IRAG1: variants seen among roughly 807,000 people sequenced by gnomAD.
IRAG1 encodes inositol 1,4,5-triphosphate receptor associated 1.
A neutral mutation model predicts 106.2 loss-of-function variants in IRAG1; 62 were observed. The observed-to-expected ratio is 0.58, with a 90% confidence interval of 0.48 to 0.72. IRAG1 has a LOEUF of 0.72. Among genes scored for constraint, IRAG1 ranks in the 30% least tolerant of loss-of-function variants. IRAG1 has a pLI of 0.00. For synonymous variants in IRAG1, 462 were observed against 443.9 expected, an observed-to-expected ratio of 1.04 and a Z score of -0.51; for missense variants, 1,064 against 1,140.7, an observed-to-expected ratio of 0.93 and a Z score of 0.97.
chr11:10,629,784 G>GA, intron 4 of IRAG1, 73 bp from the exon 5 acceptor site: 1 of 1,472,060 alleles, frequency 6.8e-7, no homozygotes, highest in Non-Finnish European at 9.2e-7. Context: ...GCCATACCAT[G>GA]CCTCATCCCA....
chr11:10,580,498 C>T lies in IRAG1; in HGVS notation c.2452G>A (p.Glu818Lys), dbSNP rs1851278810. ...TCCTCTTCCTCAGTTTCTTCTACCT[C>T]TTCAGGTTCCTCAGGACTCTCACTC... ...QKSESPEEPE[E>K]VEETEEEEKG... The change falls in exon 20 of 21, where the codon GAG becomes AAG. Residue 818 changes from glutamate to lysine, a missense_variant. Transcript: ENST00000423302. The T allele has an allele frequency of 2.5e-6, 4 of 1,613,956 alleles. No homozygotes were observed. The Admixed American group carries it at 5.0e-5, about 20-fold the overall frequency.
intron 2 of IRAG1, among the ~76,000 whole-genome samples, chr11:10,635,620 G>A (rs1293719394): frequency 1.3e-5 from 2 of 152,196 alleles, no homozygotes; most frequent in Non-Finnish European, 1.5e-5. Flanking sequence ...GAGGAGGCCT[G>A]CTCTCCTTTT....
At chr11:10,642,999 G>A (rs1009546967) in intron 2 of IRAG1, among the ~76,000 whole-genome samples, 12 of 151,872 alleles carry the variant, frequency 7.9e-5, no homozygotes, top group Non-Finnish European at 7.4e-5. Context: ...GTGAAACCCC[G>A]TCTCTACTAA....
At chr11:10,581,734 T>C in intron 19 of IRAG1, 133 bp downstream of exon 19, 1 of 1,097,944 alleles carries the variant, frequency 9.1e-7, no homozygotes, top group Non-Finnish European at 1.3e-6. Context: ...TCCTATGTAG[T>C]TCCTTCCTGT....
chr11:10,582,104 A>C, intron 18 of IRAG1, 118 bp from the exon 19 acceptor site: 4 of 1,246,468 alleles, frequency 3.2e-6, no homozygotes, highest in East Asian at 5.4e-5. Flanking sequence ...CTTTTTCAGT[A>C]ACTTTCAGAT....
At chr11:10,662,442 A>G (rs1212843097) in intron 1 of IRAG1, among the ~76,000 whole-genome samples, 1 of 152,144 alleles carries the variant, frequency 6.6e-6, no homozygotes, top group Admixed American at 6.5e-5. Context: ...AAACCTCACA[A>G]AAGGCCAGGG....
At chr11:10,617,030 CT>C (rs5789644) in intron 10 of IRAG1, 445,367 of 984,656 alleles carry the variant, frequency 0.45, 101,388 homozygotes, top group East Asian at 0.7. Context: ...TGGGGATAAA[CT>C]TTTTTTTACC....
chr11:10,594,740 C>T (rs554375241), intron 15 of IRAG1, among the ~76,000 whole-genome samples: 1 of 152,248 alleles, frequency 6.6e-6, no homozygotes, highest in East Asian at 1.9e-4. Context: ...ATATGTTTAG[C>T]TTCATACCTG....
rs943817672 is a variant in IRAG1, at chr11:10,665,292, A to G, written c.68-13110T>C. On this transcript the variant is annotated intron_variant, in intron 1 of 20. Coordinates refer to ENST00000423302, the MANE Select transcript of IRAG1 (RefSeq NM_130385.4). The surrounding 1 kb of genome is among the most constrained non-coding windows in gnomAD (Gnocchi z 4.2). ...CCCTGCTACCATTGGTGGGCCCAGCATCTGGCCAGAAACCCCAGCCCAAAC... is the reference window on the plus strand; with the variant it reads ...CCCTGCTACCATTGGTGGGCCCAGCGTCTGGCCAGAAACCCCAGCCCAAAC... Among the ~76,000 whole-genome samples, 1 of 152,142 alleles carries G rather than the reference A, an allele frequency of 6.6e-6. No homozygotes were observed. The highest frequency in any genetic ancestry group is 1.9e-4 in the East Asian group (1 of 5,200).
intron 2 of IRAG1, among the ~76,000 whole-genome samples, chr11:10,643,333 C>T (rs1396609079): frequency 6.6e-6 from 1 of 152,186 alleles, no homozygotes; most frequent in Non-Finnish European, 1.5e-5. Flanking sequence ...GGGCCAGTTC[C>T]CTGGCTCCCC....
At chr11:10,684,510 TGAC>T (rs1418614448) in intron 1 of IRAG1, among the ~76,000 whole-genome samples, 15 of 151,724 alleles carry the variant, frequency 9.9e-5, no homozygotes, top group African/African-American at 3.6e-4. Context: ...TAATGCTAAA[TGAC>T]GAGTTAATGG....
At chr11:10,686,640 G>C (rs1173503599) in intron 1 of IRAG1, among the ~76,000 whole-genome samples, 3 of 152,108 alleles carry the variant, frequency 2.0e-5, no homozygotes, top group Non-Finnish European at 4.4e-5. Context: ...CAGGAACAAA[G>C]GGTCAGGCAT....
intron 19 of IRAG1, among the ~76,000 whole-genome samples, 164 bp downstream of exon 19, chr11:10,581,703 C>T (rs1257254484): frequency 1.3e-5 from 2 of 152,196 alleles, no homozygotes; most frequent in African/African-American, 4.8e-5. Context: ...CCTGTCCTTC[C>T]TGTGGAACAG....
intron 1 of IRAG1, among the ~76,000 whole-genome samples, chr11:10,663,402 G>A (rs1859547254): frequency 6.6e-6 from 1 of 152,168 alleles, no homozygotes; most frequent in African/African-American, 2.4e-5. Context: ...AGGAATATAT[G>A]TAGGAACTGG....
intron 10 of IRAG1, among the ~76,000 whole-genome samples, chr11:10,612,086 G>A (rs1412539959): frequency 6.6e-6 from 1 of 152,168 alleles, no homozygotes; most frequent in Non-Finnish European, 1.5e-5. Flanking sequence ...TGAATGGCAG[G>A]AGACACATGG....
chr11:10,658,454 G>A (rs1859112341), intron 1 of IRAG1: 1 of 152,914 alleles, frequency 6.5e-6, no homozygotes, highest in African/African-American at 2.4e-5. Flanking sequence ...TCCACTCAGT[G>A]CCCTCGCCAT....
intron 2 of IRAG1, among the ~76,000 whole-genome samples, chr11:10,640,054 A>G (rs1356628128): frequency 6.6e-6 from 1 of 152,126 alleles, no homozygotes; most frequent in Non-Finnish European, 1.5e-5. Flanking sequence ...GAATGGGGAG[A>G]GAAGGGGAAG....
intron 18 of IRAG1, among the ~76,000 whole-genome samples, chr11:10,586,647 G>A (rs1056170531): frequency 6.6e-6 from 1 of 151,996 alleles, no homozygotes; most frequent in Admixed American, 6.6e-5. Flanking sequence ...CGAACTCCTG[G>A]CCTCAAGTGA....
chr11:10,686,717 C>T lies in IRAG1; in HGVS notation c.67+6819G>A, dbSNP rs144164530. ...ATGGAAAGAGATGGGGCTTGGTGGT[C>T]TGATGGTTTTGGTTTGACTCTCATT... On this transcript the variant is annotated intron_variant, in intron 1 of 20. Transcript: ENST00000423302. 4.9e-4 allele frequency among the ~76,000 whole-genome samples: 74 copies of T among 152,206 alleles called. No homozygotes were observed. In the East Asian group the frequency reaches 0.014, roughly 28 times the overall value.
Sources: allele counts gnomAD v4.1 joint callset (sites outside exome capture counted in the v4.1 genomes callset), GRCh38; gene constraint gnomAD v4.1.1; non-coding constraint Gnocchi (gnomAD v3.1); transcripts MANE v1.5; gene names NCBI Gene and HGNC (gene_info 2026-07-23, HGNC 2026-07-21).